Variants in MICAL3 observed in about 807,000 individuals in gnomAD.
MICAL3 encodes microtubule associated monooxygenase, calponin and LIM domain containing 3, also known as [F-actin]-monooxygenase MICAL3.
A neutral mutation model predicts 207.4 loss-of-function variants in MICAL3; 62 were observed. That is an observed-to-expected ratio of 0.30 (90% CI 0.24 to 0.37). The LOEUF is 0.37. Among genes scored for constraint, MICAL3 ranks in the 10% least tolerant of loss-of-function variants. The pLI, the probability that MICAL3 is intolerant of heterozygous loss-of-function variation, is 1.00. For synonymous variants in MICAL3, 1,077 were observed against 1,069.3 expected (o/e 1.01, Z -0.14); for missense variants, 2,368 against 2,635.6 (o/e 0.90, Z 2.22).
chr22:17,841,844 C>T lies in MICAL3; in HGVS notation c.2779G>A (p.Ala927Thr), dbSNP rs1436982860. ...GACCTGCTGGCGACGTCCTCCTCGG[C>T]GCCCGTGTCCAGCACGCTGCTCAGG... ...HNLSSVLDTG[A>T]EEDVASSSSE... The change falls in exon 20 of 32, where the codon GCC becomes ACC. Residue 927 changes from alanine to threonine, a missense_variant. Physicochemically the swap from Ala to Thr is moderately conservative, Grantham distance 58. Coordinates refer to ENST00000441493, the MANE Select transcript of MICAL3 (RefSeq NM_015241.3). This position sits in a 1 kb window ranked among gnomAD's most constrained non-coding sequence, Gnocchi z 4.2. 9 of 1,555,202 alleles carry T rather than the reference C, an allele frequency of 5.8e-6. No homozygotes were observed. The highest frequency in any genetic ancestry group is 2.4e-5 in the East Asian group (1 of 41,474).
intron 19 of MICAL3, chr22:17,861,606 TG>T (rs1331707851): frequency 1.0e-6 from 1 of 985,412 alleles, no homozygotes; most frequent in Non-Finnish European, 1.2e-6. Context: ...TAATCCCTTT[TG>T]GGGATTTCCT....
chr22:17,997,315 C>T (rs1182156371), intron 1 of MICAL3, among the ~76,000 whole-genome samples: 1 of 152,106 alleles, frequency 6.6e-6, no homozygotes, highest in African/African-American at 2.4e-5. Flanking sequence ...CTGCCCACCT[C>T]AACCTCCCAA....
chr22:17,866,893 A>G (rs1927217723), intron 17 of MICAL3, among the ~76,000 whole-genome samples: 1 of 152,196 alleles, frequency 6.6e-6, no homozygotes, highest in Non-Finnish European at 1.5e-5. Context: ...ACTCTCACTT[A>G]AAGAGCGACT....
At chr22:17,946,088 A>G (rs1297068381) in intron 1 of MICAL3, among the ~76,000 whole-genome samples, 1 of 152,178 alleles carries the variant, frequency 6.6e-6, no homozygotes, top group Non-Finnish European at 1.5e-5. Flanking sequence ...GCAGGTACAG[A>G]TGACAAAGCA....
At chr22:18,017,590 A>G (rs1924143346) in intron 1 of MICAL3, among the ~76,000 whole-genome samples, 1 of 139,966 alleles carries the variant, frequency 7.1e-6, no homozygotes, top group South Asian at 2.3e-4. Flanking sequence ...CATTTGATAG[A>G]ATTTTTTTTT....
At chr22:17,930,443 A>T (rs1487833211) in intron 1 of MICAL3, among the ~76,000 whole-genome samples, 1 of 152,254 alleles carries the variant, frequency 6.6e-6, no homozygotes, top group Admixed American at 6.5e-5. Context: ...CTGCAGTTAC[A>T]GTCACACAAT....
At chr22:17,922,724 G>T (rs1932829712) in intron 1 of MICAL3, among the ~76,000 whole-genome samples, 1 of 152,164 alleles carries the variant, frequency 6.6e-6, no homozygotes, top group Non-Finnish European at 1.5e-5. Context: ...TGTTCCAGGA[G>T]GGTCCTTATT....
chr22:17,930,912 C>G (rs946377703), intron 1 of MICAL3, among the ~76,000 whole-genome samples: 5 of 152,244 alleles, frequency 3.3e-5, no homozygotes, highest in African/African-American at 7.2e-5. Flanking sequence ...ATCACAGGCC[C>G]CAGGCCTGCC....
At chr22:17,954,750 C>CT (rs60984165) in intron 1 of MICAL3, among the ~76,000 whole-genome samples, 34,795 of 144,394 alleles carry the variant, frequency 0.24, 4,584 homozygotes, top group East Asian at 0.52. Flanking sequence ...AAGTCTTTTC[C>CT]TTTTTTTTTT....
chr22:17,945,696 G>A (rs1934033324), intron 1 of MICAL3, among the ~76,000 whole-genome samples: 1 of 152,074 alleles, frequency 6.6e-6, no homozygotes, highest in African/African-American at 2.4e-5. Flanking sequence ...ATTCCACCAG[G>A]CACCTCCCTC....
chr22:17,843,761 T>C (rs1486287199), intron 19 of MICAL3, among the ~76,000 whole-genome samples: 2 of 152,242 alleles, frequency 1.3e-5, no homozygotes, highest in Non-Finnish European at 2.9e-5. Flanking sequence ...CCTGGAAAGC[T>C]GCATCCACAG....
intron 1 of MICAL3, among the ~76,000 whole-genome samples, chr22:17,944,398 G>C (rs889785489): frequency 1.3e-5 from 2 of 152,222 alleles, no homozygotes; most frequent in African/African-American, 4.8e-5. Flanking sequence ...AGGGGGTGAA[G>C]GAGAATGCTC....
chr22:17,981,671 T>G (rs1935914518), intron 1 of MICAL3, among the ~76,000 whole-genome samples: 1 of 152,316 alleles, frequency 6.6e-6, no homozygotes, highest in East Asian at 1.9e-4. Flanking sequence ...CAGATGCGCA[T>G]GCACAGCACT....
At chr22:18,013,732 T>G (rs1039423374) in intron 1 of MICAL3, among the ~76,000 whole-genome samples, 29 of 152,154 alleles carry the variant, frequency 1.9e-4, no homozygotes, top group African/African-American at 6.3e-4. Context: ...TTAAAGCAAT[T>G]GGCACTTTTA....
At chr22:17,959,010 GT>G (rs34107784) in intron 1 of MICAL3, among the ~76,000 whole-genome samples, 5,073 of 85,724 alleles carry the variant, frequency 0.059, 113 homozygotes, top group African/African-American at 0.17. Flanking sequence ...CGGGCCTGGG[GT>G]TTTTTTTTTT....
chr22:17,833,829 A>G (rs1170977670), intron 20 of MICAL3, among the ~76,000 whole-genome samples: 1 of 152,152 alleles, frequency 6.6e-6, no homozygotes, highest in African/African-American at 2.4e-5. Context: ...CAGGTGAGCA[A>G]TACTCCTGGC....
chr22:17,875,775 C>T (rs1928266880), intron 16 of MICAL3, among the ~76,000 whole-genome samples: 1 of 151,764 alleles, frequency 6.6e-6, no homozygotes, highest in African/African-American at 2.4e-5. Flanking sequence ...CTCATGCTTG[C>T]AGCAGAGCAC....
intron 25 of MICAL3, among the ~76,000 whole-genome samples, chr22:17,820,202 T>C (rs1921419354): frequency 6.7e-6 from 1 of 150,350 alleles, no homozygotes; most frequent in South Asian, 2.1e-4. Flanking sequence ...AAAGACTAAA[T>C]CAAGCAGATG....
chr22:17,799,431 G>A (rs1448455984), intron 29 of MICAL3, among the ~76,000 whole-genome samples: 4 of 152,310 alleles, frequency 2.6e-5, no homozygotes, highest in South Asian at 4.1e-4. Flanking sequence ...ATTCCTTGGC[G>A]GCTCAGGTTT....
Sources: allele counts gnomAD v4.1 joint callset (sites outside exome capture counted in the v4.1 genomes callset), GRCh38; gene constraint gnomAD v4.1.1; non-coding constraint Gnocchi (gnomAD v3.1); transcripts MANE v1.5; gene names NCBI Gene and HGNC (gene_info 2026-07-23, HGNC 2026-07-21).